CNKSR3: variants seen among roughly 807,000 people sequenced by gnomAD.
CNKSR3 encodes the protein connector enhancer of kinase suppressor of ras 3.
CNKSR3 carries 36 observed loss-of-function variants against 67.7 expected under a neutral mutation model. That is an observed-to-expected ratio of 0.53 (90% CI 0.41 to 0.70). CNKSR3 has a LOEUF of 0.70. Ranked by LOEUF, CNKSR3 falls within the 30% of genes least tolerant of loss-of-function variation. The pLI is 0.00. For missense variants in CNKSR3, 630 were observed against 695.2 expected, an observed-to-expected ratio of 0.91 and a Z score of 1.05; for synonymous variants, 281 against 271.4, an observed-to-expected ratio of 1.04 and a Z score of -0.35.
chr6:154,419,030 T>G (rs1340940748), intron 9 of CNKSR3, among the ~76,000 whole-genome samples: 2 of 131,710 alleles, frequency 1.5e-5, no homozygotes, highest in Admixed American at 1.5e-4. Context: ...ATTACTCTCT[T>G]GCTTTTTTTT....
rs1479901983 is a variant in CNKSR3 at position 154,401,985 on chromosome 6, A to C, written c.*4369T>G. On this transcript the variant is annotated 3_prime_UTR_variant, in exon 13 of 13. Coordinates refer to ENST00000607772, the MANE Select transcript of CNKSR3 (RefSeq NM_173515.4). ...CTTCCAGGGAAAAAATTAAAAAAAG[A>C]AAGCCCACAAAATAGATTCTGAAAT... 1 of 152,232 alleles carries C rather than the reference A, an allele frequency of 6.6e-6. No individual in the cohort carries two copies. Among genetic ancestry groups the C allele is most frequent in the Non-Finnish European group, 1.5e-5 (1 of 68,040 alleles). The allele number at this position is 152,232 out of a possible 1,614,324, so 9.4% of individuals were successfully genotyped here. A position where few individuals can be genotyped will look rare whatever the true frequency, so the allele number is the denominator to read the frequency against.
intron 1 of CNKSR3, among the ~76,000 whole-genome samples, chr6:154,468,310 C>A (rs535654752): frequency 6.6e-6 from 1 of 151,080 alleles, no homozygotes; most frequent in Non-Finnish European, 1.5e-5. Context: ...GAACTCTTGG[C>A]CTCAAGCAGT....
rs1211829187 is a variant in CNKSR3, at chr6:154,405,675, C to A, written c.*679G>T. The A allele has an allele frequency of 6.6e-6, 1 of 152,186 alleles. No individual in the cohort carries two copies. Among genetic ancestry groups the A allele is most frequent in the African/African-American group, 2.4e-5 (1 of 41,428 alleles). The allele number at this position is 152,186 out of a possible 1,614,324, so 9.4% of individuals were successfully genotyped here. ...AAGACAATAATATATAACAACACCA[C>A]CCCACACAAATAACCATAAACTTCT... On this transcript the variant is annotated 3_prime_UTR_variant, in exon 13 of 13. Coordinates refer to ENST00000607772, the MANE Select transcript of CNKSR3 (RefSeq NM_173515.4).
intron 1 of CNKSR3, among the ~76,000 whole-genome samples, chr6:154,496,818 T>G (rs999343043): frequency 1.3e-5 from 2 of 152,246 alleles, no homozygotes; most frequent in Admixed American, 1.3e-4. Context: ...CGATTCATAA[T>G]GCTAATGATG....
chr6:154,430,919 C>T (rs1785353828), intron 5 of CNKSR3, among the ~76,000 whole-genome samples: 1 of 151,100 alleles, frequency 6.6e-6, no homozygotes, highest in South Asian at 2.1e-4. Flanking sequence ...TCAATGATTG[C>T]TCACAGTCTC....
chr6:154,484,282 C>T (rs902355871), intron 1 of CNKSR3, among the ~76,000 whole-genome samples: 2 of 152,170 alleles, frequency 1.3e-5, no homozygotes, highest in African/African-American at 4.8e-5. Context: ...AAAATGCCTG[C>T]TCTTGTTATA....
rs1332886261 is a variant in CNKSR3, at chr6:154,411,022, G to C, written c.1191C>G (p.Phe397Leu). Residue 397 changes from phenylalanine to leucine, a missense_variant, in exon 11 of 13, where the codon TTC becomes TTG. Coordinates refer to ENST00000607772, the MANE Select transcript of CNKSR3 (RefSeq NM_173515.4). Reference protein sequence around the residue: ...FLDQESRRRRFTIADSDQLPG... With the variant: ...FLDQESRRRRLTIADSDQLPG... Reference sequence around the variant, plus strand: ...GCAACTGATCCGAGTCTGCAATGGTGAATCTTCGTCTCCGGCTTTCCTGGT... The same window carrying C: ...GCAACTGATCCGAGTCTGCAATGGTCAATCTTCGTCTCCGGCTTTCCTGGT... The C allele has an allele frequency of 6.2e-7, 1 of 1,614,136 alleles. No individual in the cohort carries two copies. The highest frequency in any genetic ancestry group is 2.2e-5 in the East Asian group (1 of 44,880).
chr6:154,510,392 A>T lies in CNKSR3; in HGVS notation c.-278T>A, dbSNP rs1212080699. On this transcript the variant is annotated 5_prime_UTR_variant, in exon 1 of 13. Transcript: ENST00000607772. ...ACAGCTGCTGCTCCCGAGCGACGGC[A>T]GCTGCAGGCACGCCGGGCTGCGACC... is the stretch of plus-strand genomic sequence containing the variant. 13 of 501,100 alleles carry T rather than the reference A, an allele frequency of 2.6e-5. No homozygotes were observed. Among genetic ancestry groups the T allele is most frequent in the Non-Finnish European group, 4.6e-5 (13 of 285,248 alleles). The allele number at this position is 501,100 out of a possible 1,614,324, so 31.0% of individuals were successfully genotyped here. A position where few individuals can be genotyped will look rare whatever the true frequency, so the allele number is the denominator to read the frequency against.
Position 154,447,117 on chromosome 6 carries a change from G to A in CNKSR3, c.216+2978C>T, listed in dbSNP as rs148325864. ...ATTACAGGTGTAAGCCATTGCACCC[G>A]GCCACAGTCATACTTATCCTTATTG... is the stretch of plus-strand genomic sequence containing the variant. On this transcript the variant is annotated intron_variant, in intron 2 of 12. Transcript: ENST00000607772. Among the ~76,000 whole-genome samples, 207 of 152,160 alleles carry A rather than the reference G, an allele frequency of 1.4e-3. 1 individual carries two copies. The highest frequency in any genetic ancestry group is 4.6e-3 in the African/African-American group (189 of 41,526).
At chr6:154,502,254 C>G (rs796486458) in intron 1 of CNKSR3, among the ~76,000 whole-genome samples, 6 of 151,302 alleles carry the variant, frequency 4.0e-5, no homozygotes, top group African/African-American at 1.5e-4. Context: ...TGCAGTGGCA[C>G]GATCTCAGCT....
At chr6:154,408,433 T>C (rs1243376538) in intron 12 of CNKSR3, among the ~76,000 whole-genome samples, 2 of 152,212 alleles carry the variant, frequency 1.3e-5, no homozygotes, top group Non-Finnish European at 2.9e-5. Flanking sequence ...AGAAACAGAT[T>C]CCAGCTGAGT....
chr6:154,451,672 G>A (rs1025642905), intron 1 of CNKSR3, among the ~76,000 whole-genome samples: 5 of 152,194 alleles, frequency 3.3e-5, no homozygotes, highest in African/African-American at 9.7e-5. Flanking sequence ...AATCTGATGT[G>A]TGAGGCTAAA....
chr6:154,483,038 G>A (rs1177292894), intron 1 of CNKSR3, among the ~76,000 whole-genome samples: 1 of 152,220 alleles, frequency 6.6e-6, no homozygotes, highest in South Asian at 2.1e-4. Flanking sequence ...AGGCAGTTCT[G>A]TCTGGTTCCA....
chr6:154,422,879 T>C, intron 8 of CNKSR3, 36 bp downstream of exon 8: 2 of 1,507,816 alleles, frequency 1.3e-6, no homozygotes, highest in Non-Finnish European at 1.8e-6. Context: ...TTAAAAGTTT[T>C]AAGGAGGAAA....
rs1784592647 is a variant in CNKSR3, at chr6:154,390,512, G to A, written c.*15842C>T. 1 of 152,220 alleles carries A rather than the reference G, an allele frequency of 6.6e-6. No homozygotes were observed. The highest frequency in any genetic ancestry group is 1.5e-5 in the Non-Finnish European group (1 of 68,062). The allele number at this position is 152,220 out of a possible 1,614,324, so 9.4% of individuals were successfully genotyped here. A position where few individuals can be genotyped will look rare whatever the true frequency, so the allele number is the denominator to read the frequency against. ...GACAGGAAATGGGAGGCTCCCAGAG[G>A]ATAAATTTCTTCTTCCCTTCCTCTC... is the stretch of plus-strand genomic sequence containing the variant. On this transcript the variant is annotated 3_prime_UTR_variant, in exon 13 of 13. Coordinates refer to ENST00000607772, the MANE Select transcript of CNKSR3 (RefSeq NM_173515.4).
At chr6:154,468,545 T>A (rs932741836) in intron 1 of CNKSR3, among the ~76,000 whole-genome samples, 1 of 152,028 alleles carries the variant, frequency 6.6e-6, no homozygotes, top group Admixed American at 6.6e-5. Context: ...ACCGACTCTA[T>A]TAGGATAATG....
rs1784616380 is a variant in CNKSR3, at chr6:154,392,260, C to T, written c.*14094G>A. 6.6e-6 allele frequency: 1 copy of T among 151,550 alleles called. No individual in the cohort carries two copies. The highest frequency in any genetic ancestry group is 2.1e-4 in the South Asian group (1 of 4,810). 9.4% of individuals were successfully genotyped at this position (151,550 alleles called of 1,614,324 possible). A position where few individuals can be genotyped will look rare whatever the true frequency, so the allele number is the denominator to read the frequency against. On this transcript the variant is annotated 3_prime_UTR_variant, in exon 13 of 13. Transcript: ENST00000607772. ...ATATGTTGTCTTCTGATGCTTTTTC[C>T]CACTCAGCACTATATTAATAAAATC...
chr6:154,418,437 G>A (rs911781219), intron 9 of CNKSR3, among the ~76,000 whole-genome samples: 3 of 152,292 alleles, frequency 2.0e-5, no homozygotes, highest in East Asian at 1.9e-4. Context: ...GGGCGAGTGT[G>A]TTTGAAGAAT....
chr6:154,510,212 G>A lies in CNKSR3; in HGVS notation c.-98C>T. 7.1e-7 allele frequency: 1 copy of A among 1,403,612 alleles called. No homozygotes were observed. 86.9% of individuals were successfully genotyped at this position (1,403,612 alleles called of 1,614,324 possible). On this transcript the variant is annotated 5_prime_UTR_variant, in exon 1 of 13. Transcript: ENST00000607772. ...TTCCCGGGAGGGCGCGCCCGCGGCT[G>A]CTCCCCTGCGCCCGAGCGACTCCGT...
Sources: allele counts gnomAD v4.1 joint callset (sites outside exome capture counted in the v4.1 genomes callset), GRCh38; gene constraint gnomAD v4.1.1; transcripts MANE v1.5; gene names NCBI Gene and HGNC (gene_info 2026-07-23, HGNC 2026-07-21).